OVOL1: variants seen among roughly 807,000 people sequenced by gnomAD.
The protein encoded by OVOL1 is ovo like transcriptional repressor 1, also known as putative transcription factor Ovo-like 1.
In OVOL1, 10 loss-of-function variants were observed where a neutral mutation model predicts 21.5. That is an observed-to-expected ratio of 0.46 (90% CI 0.29 to 0.79). The LOEUF (loss-of-function observed/expected upper bound fraction) is 0.79, where lower values mean the gene tolerates loss of function less well. OVOL1 is among the 30% of genes least tolerant of loss of function. The pLI is 0.10. For missense variants in OVOL1, 279 were observed against 362.3 expected (o/e 0.77, Z 1.87); for synonymous variants, 129 against 150.3 (o/e 0.86, Z 1.03).
At chr11:65,794,285 G>C in intron 2 of OVOL1, 37 bp downstream of exon 2, 3 of 1,551,988 alleles carry the variant, frequency 1.9e-6, no homozygotes, top group Middle Eastern at 1.7e-4. Context: ...GGCCGGGGGC[G>C]TGCATGTAGA....
chr11:65,788,633 G>A, intron 1 of OVOL1: 1 of 985,440 alleles, frequency 1.0e-6, no homozygotes, highest in Non-Finnish European at 1.2e-6. Context: ...AGCTGTTGGA[G>A]ACAGTGTCCT....
Position 65,795,582 on chromosome 11 carries a change from C to T in OVOL1, c.*241C>T, listed in dbSNP as rs1156514483. 3.4e-6 allele frequency: 2 copies of T among 584,826 alleles called. No individual in the cohort carries two copies. Among genetic ancestry groups the T allele is most frequent in the Middle Eastern group, 4.5e-4 (1 of 2,238 alleles). 36.2% of individuals were successfully genotyped at this position (584,826 alleles called of 1,614,324 possible). A position where few individuals can be genotyped will look rare whatever the true frequency, so the allele number is the denominator to read the frequency against. ...GCTGTTCTGAGCCTGGGAAGATGTACCTATGTCAAGAGAAGGGATGAGGCC... is the reference window on the plus strand; with the variant it reads ...GCTGTTCTGAGCCTGGGAAGATGTATCTATGTCAAGAGAAGGGATGAGGCC... On this transcript the variant is annotated 3_prime_UTR_variant, in exon 4 of 4. Transcript: ENST00000335987. The surrounding 1 kb of genome is among the most constrained non-coding windows in gnomAD (Gnocchi z 5.7).
chr11:65,794,094 C>T lies in OVOL1; in HGVS notation c.164C>T (p.Pro55Leu), dbSNP rs1253435859. ...CCGGAACCCTCTGTGGCCGAACCCC[C>T]TTCCTGCCCGCTGGCTTTGAACATG... ...REPEPSVAEP[P>L]SCPLALNMSL... The change falls in exon 2 of 4, where the codon CCT becomes CTT. Residue 55 changes from proline to leucine, a missense_variant. By Grantham distance (98) the Pro-to-Leu change is moderately conservative. Coordinates refer to ENST00000335987, the MANE Select transcript of OVOL1 (RefSeq NM_004561.4). 2 of 1,614,068 alleles carry T rather than the reference C, an allele frequency of 1.2e-6. No individual in the cohort carries two copies. The highest frequency in any genetic ancestry group is 1.1e-5 in the South Asian group (1 of 91,088).
At position 65,793,824 on chromosome 11, in the gene OVOL1, G is replaced by A. The variant is rs1858070902; in HGVS notation, c.101-207G>A. On this transcript the variant is annotated intron_variant, in intron 1 of 3. Transcript: ENST00000335987. ...CACAAATTACTCAGCGGGCAGTGGC[G>A]CTTGGCTGGCATCACCTGCAATTAC... is the stretch of plus-strand genomic sequence containing the variant. The A allele has an allele frequency of 2.4e-5, 14 of 593,274 alleles. No homozygotes were observed. The South Asian group carries it at 2.6e-4, about 11-fold the overall frequency. 36.8% of individuals were successfully genotyped at this position (593,274 alleles called of 1,614,324 possible).
At chr11:65,792,395 G>A (rs1440208615) in intron 1 of OVOL1, 1 of 152,260 alleles carries the variant, frequency 6.6e-6, no homozygotes, top group Non-Finnish European at 1.5e-5. Flanking sequence ...CACCTGGATT[G>A]AGAAATGAAA....
chr11:65,797,213 A>T lies in OVOL1; in HGVS notation c.*1872A>T, dbSNP rs1216942837. 1 of 152,142 alleles carries T rather than the reference A, an allele frequency of 6.6e-6. No homozygotes were observed. The highest frequency in any genetic ancestry group is 6.5e-5 in the Admixed American group (1 of 15,282). The allele number at this position is 152,142 out of a possible 1,614,324, so 9.4% of individuals were successfully genotyped here. On this transcript the variant is annotated 3_prime_UTR_variant, in exon 4 of 4. Coordinates refer to ENST00000335987, the MANE Select transcript of OVOL1 (RefSeq NM_004561.4). ...TCTCAACTATTAAAATTAGAGATCTAATGTTTTCTGTGTTTCCGATGTTTT... is the reference window on the plus strand; with the variant it reads ...TCTCAACTATTAAAATTAGAGATCTTATGTTTTCTGTGTTTCCGATGTTTT...
rs1485036645 is a variant in OVOL1, at chr11:65,795,251, C to G, written c.714C>G (p.Asp238Glu). 10 of 1,613,524 alleles carry G rather than the reference C, an allele frequency of 6.2e-6. No homozygotes were observed. The highest frequency in any genetic ancestry group is 7.6e-6 in the Non-Finnish European group (9 of 1,180,022). The stretch of plus-strand genomic sequence containing the variant: ...TGCACCTGAAGGAGCACCACCCTGA[C>G]AGCCCGCTGCTGCGCAAGACCTCCA... ...HVLHLKEHHPDSPLLRKTSKK... is the reference protein window; with the variant it reads ...HVLHLKEHHPESPLLRKTSKK... Residue 238 changes from aspartate to glutamate, a missense_variant, in exon 4 of 4, where the codon GAC becomes GAG. Coordinates refer to ENST00000335987, the MANE Select transcript of OVOL1 (RefSeq NM_004561.4). The surrounding 1 kb of genome is among the most constrained non-coding windows in gnomAD (Gnocchi z 5.7).
chr11:65,793,652 T>C (rs771064079), intron 1 of OVOL1: 1 of 294,956 alleles, frequency 3.4e-6, no homozygotes, highest in East Asian at 9.7e-5. Context: ...GAGCTGTCCC[T>C]GGGCAGAAGG....
At chr11:65,789,185 TC>T (rs200961339) in intron 1 of OVOL1, 17,128 of 536,314 alleles carry the variant, frequency 0.032, 363 homozygotes, top group Non-Finnish European at 0.037. Context: ...ATCATTGACT[TC>T]TTTTTGTCCT....
Position 65,797,206 on chromosome 11 carries a change from G to T in OVOL1, c.*1865G>T, listed in dbSNP as rs1344043825. Reference sequence around the variant, plus strand: ...ACCTTCCTCTCAACTATTAAAATTAGAGATCTAATGTTTTCTGTGTTTCCG... The same window carrying T: ...ACCTTCCTCTCAACTATTAAAATTATAGATCTAATGTTTTCTGTGTTTCCG... On this transcript the variant is annotated 3_prime_UTR_variant, in exon 4 of 4. Coordinates refer to ENST00000335987, the MANE Select transcript of OVOL1 (RefSeq NM_004561.4). 2 of 152,174 alleles carry T rather than the reference G, an allele frequency of 1.3e-5. No homozygotes were observed. Among genetic ancestry groups the T allele is most frequent in the Non-Finnish European group, 2.9e-5 (2 of 68,036 alleles). The allele number at this position is 152,174 out of a possible 1,614,324, so 9.4% of individuals were successfully genotyped here.
In OVOL1 at chr11:65,797,211, C is replaced by A. The variant is rs1207487837; in HGVS notation, c.*1870C>A. 6.6e-6 allele frequency: 1 copy of A among 152,196 alleles called. No individual in the cohort carries two copies. The highest frequency in any genetic ancestry group is 1.5e-5 in the Non-Finnish European group (1 of 68,034). The allele number at this position is 152,196 out of a possible 1,614,324, so 9.4% of individuals were successfully genotyped here. A position where few individuals can be genotyped will look rare whatever the true frequency, so the allele number is the denominator to read the frequency against. On this transcript the variant is annotated 3_prime_UTR_variant, in exon 4 of 4. Coordinates refer to ENST00000335987, the MANE Select transcript of OVOL1 (RefSeq NM_004561.4). ...CCTCTCAACTATTAAAATTAGAGATCTAATGTTTTCTGTGTTTCCGATGTT... is the reference window on the plus strand; with the variant it reads ...CCTCTCAACTATTAAAATTAGAGATATAATGTTTTCTGTGTTTCCGATGTT...
At chr11:65,791,556 T>G (rs1858018293) in intron 1 of OVOL1, among the ~76,000 whole-genome samples, 1 of 152,338 alleles carries the variant, frequency 6.6e-6, no homozygotes, top group South Asian at 2.1e-4. Flanking sequence ...GGCCAGCAGC[T>G]TTCCATCCAA....
chr11:65,787,930 T>C (rs1229301536), intron 1 of OVOL1, among the ~76,000 whole-genome samples: 1 of 152,116 alleles, frequency 6.6e-6, no homozygotes, highest in Non-Finnish European at 1.5e-5. Context: ...TGTTAAAAGC[T>C]CAGAGCTTCA....
At position 65,795,676 on chromosome 11, in the gene OVOL1, T is replaced by G; in HGVS notation, c.*335T>G. The G allele has an allele frequency of 2.6e-6, 1 of 379,940 alleles. No homozygotes were observed. The highest frequency in any genetic ancestry group is 5.0e-5 in the East Asian group (1 of 19,830). The allele number at this position is 379,940 out of a possible 1,614,324, so 23.5% of individuals were successfully genotyped here. A position where few individuals can be genotyped will look rare whatever the true frequency, so the allele number is the denominator to read the frequency against. ...CTGTGTGCCTGGCAGCAGGACTTCC[T>G]ACCCAGAGGAGGTTCGAGCTAGGAT... is the stretch of plus-strand genomic sequence containing the variant. On this transcript the variant is annotated 3_prime_UTR_variant, in exon 4 of 4. Transcript: ENST00000335987. This position sits in a 1 kb window ranked among gnomAD's most constrained non-coding sequence, Gnocchi z 5.7.
intron 1 of OVOL1, among the ~76,000 whole-genome samples, chr11:65,793,339 C>T (rs1331537410): frequency 3.3e-5 from 5 of 152,208 alleles, no homozygotes; most frequent in Non-Finnish European, 7.4e-5. Flanking sequence ...CCCCGGCGAG[C>T]GGTCCTGCCG....
Position 65,795,101 on chromosome 11 carries a change from T to C in OVOL1, c.564T>C (p.Ser188=). Reference sequence around the variant, plus strand: ...ACAAGGCCTTCACGCAGCGCTGCTCTCTGGAGTCTCACCTCAAGAAGATCC... The same window carrying C: ...ACAAGGCCTTCACGCAGCGCTGCTCCCTGGAGTCTCACCTCAAGAAGATCC... The part of the protein sequence containing the change: ...LCDKAFTQRC[S]LESHLKKIHG... The change falls in exon 4 of 4, where the codon TCT becomes TCC. Residue 188 remains serine, a synonymous_variant. Coordinates refer to ENST00000335987, the MANE Select transcript of OVOL1 (RefSeq NM_004561.4). The surrounding 1 kb of genome is among the most constrained non-coding windows in gnomAD (Gnocchi z 5.7). 6.2e-7 allele frequency: 1 copy of C among 1,613,710 alleles called. No homozygotes were observed. Among genetic ancestry groups the C allele is most frequent in the East Asian group, 2.2e-5 (1 of 44,886 alleles).
At chr11:65,787,612 T>G in intron 1 of OVOL1, 139 bp downstream of exon 1, 1 of 205,384 alleles carries the variant, frequency 4.9e-6, no homozygotes, top group Non-Finnish European at 8.6e-6. Flanking sequence ...CGGCCTGGGC[T>G]GGGTGGGCCC....
At chr11:65,794,946 C>A in intron 3 of OVOL1, 100 bp from the exon 4 acceptor site, 1 of 1,266,296 alleles carries the variant, frequency 7.9e-7, no homozygotes, top group Non-Finnish European at 1.1e-6. Flanking sequence ...CATCCCTTGG[C>A]CCTAGAGGCA....
chr11:65,790,110 G>C (rs1177490023), intron 1 of OVOL1: 1 of 150,148 alleles, frequency 6.7e-6, no homozygotes, highest in Non-Finnish European at 1.5e-5. Context: ...GTGACAGGGA[G>C]TAATGCTGGT....
Sources: allele counts gnomAD v4.1 joint callset (sites outside exome capture counted in the v4.1 genomes callset), GRCh38; gene constraint gnomAD v4.1.1; non-coding constraint Gnocchi (gnomAD v3.1); transcripts MANE v1.5; gene names NCBI Gene and HGNC (gene_info 2026-07-23, HGNC 2026-07-21).